The following KIRREL3 variants were observed in gnomAD, a reference collection of about 807,000 sequenced individuals.
The protein encoded by KIRREL3 is kin of IRRE-like protein 3.
A neutral mutation model predicts 89.7 loss-of-function variants in KIRREL3; 36 were observed. The observed-to-expected ratio is 0.40, with a 90% CI of 0.31 to 0.53. KIRREL3 has a LOEUF of 0.53. KIRREL3 is among the 20% of genes least tolerant of loss of function. KIRREL3 has a pLI of 0.49. For missense variants in KIRREL3, 864 were observed against 1,056.6 expected (o/e 0.82, Z 2.53); for synonymous variants, 445 against 441.4 (o/e 1.01, Z -0.10).
At chr11:126,984,716 C>G (rs934336581) in intron 1 of KIRREL3, among the ~76,000 whole-genome samples, 4 of 152,286 alleles carry the variant, frequency 2.6e-5, no homozygotes, top group African/African-American at 9.6e-5. Context: ...CCAAGCTCCC[C>G]GCACAAATTG....
rs1014098500 is a variant in KIRREL3, at chr11:126,441,673, G to A, written c.1253-1124C>T. Among the ~76,000 whole-genome samples the A allele has an allele frequency of 6.6e-6, 1 of 152,242 alleles. No individual in the cohort carries two copies. Among genetic ancestry groups the A allele is most frequent in the Non-Finnish European group, 1.5e-5 (1 of 68,050 alleles). On this transcript the variant is annotated intron_variant, in intron 10 of 16. Transcript: ENST00000525144. This position sits in a 1 kb window ranked among gnomAD's most constrained non-coding sequence, Gnocchi z 5.0. ...AACAAAAATTGCTGCAAACATAATT[G>A]CTGTTTATTAGCCACCTTAATTAAA...
At chr11:126,803,206 A>T (rs1951095349) in intron 1 of KIRREL3, among the ~76,000 whole-genome samples, 6 of 152,192 alleles carry the variant, frequency 3.9e-5, no homozygotes, top group Admixed American at 3.9e-4. Context: ...GGGACTTCAT[A>T]AGAAAGTGTG....
intron 1 of KIRREL3, among the ~76,000 whole-genome samples, chr11:126,878,612 C>G (rs147693984): frequency 3.0e-4 from 46 of 151,538 alleles, no homozygotes; most frequent in Non-Finnish European, 5.0e-4. Context: ...AAATGCAACA[C>G]AACCCTGAAT....
intron 1 of KIRREL3, among the ~76,000 whole-genome samples, chr11:126,717,550 G>T (rs1050930465): frequency 6.6e-6 from 1 of 152,168 alleles, no homozygotes. Flanking sequence ...GGCCAGGCTT[G>T]GGAATGGCTG....
intron 1 of KIRREL3, among the ~76,000 whole-genome samples, chr11:126,801,416 A>G (rs1951029086): frequency 6.6e-6 from 1 of 152,210 alleles, no homozygotes; most frequent in Non-Finnish European, 1.5e-5. Context: ...TAGCCCCTGA[A>G]TACAAATCTC....
Position 126,548,883 on chromosome 11 carries a change from T to C in KIRREL3, c.133+13952A>G, listed in dbSNP as rs2134522800. 2.6e-5 allele frequency among the ~76,000 whole-genome samples: 4 copies of C among 152,282 alleles called. No individual in the cohort carries two copies. The Middle Eastern group carries it at 0.01, about 388-fold the overall frequency. ...GCAACGAGATAGAATACCTGCTCCC[T>C]TCCACATCTGGAAGCATCCACAGCC... On this transcript the variant is annotated intron_variant, in intron 2 of 16. Transcript: ENST00000525144.
At chr11:126,621,370 C>T (rs1414425878) in intron 1 of KIRREL3, among the ~76,000 whole-genome samples, 2 of 152,234 alleles carry the variant, frequency 1.3e-5, no homozygotes, top group East Asian at 3.9e-4. Context: ...CAGGTTCCTC[C>T]AGGAATTCCC....
chr11:126,505,253 A>G (rs1957983402), intron 4 of KIRREL3, among the ~76,000 whole-genome samples: 1 of 152,242 alleles, frequency 6.6e-6, no homozygotes, highest in African/African-American at 2.4e-5. Flanking sequence ...TCTTAAATTT[A>G]CAAATAACTA....
Position 126,844,122 on chromosome 11 carries a change from A to G in KIRREL3, c.55+156333T>C, listed in dbSNP as rs1043547499. 6.6e-6 allele frequency among the ~76,000 whole-genome samples: 1 copy of G among 152,156 alleles called. No individual in the cohort carries two copies. The highest frequency in any genetic ancestry group is 2.4e-5 in the African/African-American group (1 of 41,436). On this transcript the variant is annotated intron_variant, in intron 1 of 16. Transcript: ENST00000525144. This position sits in a 1 kb window ranked among gnomAD's most constrained non-coding sequence, Gnocchi z 4.8. ...GGAGTCTGGATGGGGACCCCTTTCC[A>G]GTAACATCTTCCTGGTAACCCAGGT...
chr11:126,699,424 A>G (rs1268719527), intron 1 of KIRREL3, among the ~76,000 whole-genome samples: 1 of 152,254 alleles, frequency 6.6e-6, no homozygotes, highest in Non-Finnish European at 1.5e-5. Flanking sequence ...TGGCAGCAAC[A>G]TCTAATAGAA....
chr11:126,743,746 G>A (rs1051407224), intron 1 of KIRREL3, among the ~76,000 whole-genome samples: 9 of 152,170 alleles, frequency 5.9e-5, no homozygotes, highest in African/African-American at 2.2e-4. Flanking sequence ...TTCATAGGAT[G>A]GTTGATTATT....
rs1025751234 is a variant in KIRREL3, at chr11:126,991,931, C to T, written c.55+8524G>A. On this transcript the variant is annotated intron_variant, in intron 1 of 16. Transcript: ENST00000525144. This position sits in a 1 kb window ranked among gnomAD's most constrained non-coding sequence, Gnocchi z 5.8. ...CAGACTGAAAATGACTTTAGTCAAG[C>T]AAAGTAACCTCTCTGGGGGTATGAC... 3.9e-5 allele frequency among the ~76,000 whole-genome samples: 6 copies of T among 152,190 alleles called. No homozygotes were observed. Among genetic ancestry groups the T allele is most frequent in the Admixed American group, 1.3e-4 (2 of 15,280 alleles).
intron 1 of KIRREL3, among the ~76,000 whole-genome samples, chr11:126,857,486 A>C (rs1464465471): frequency 1.3e-5 from 2 of 152,150 alleles, no homozygotes; most frequent in African/African-American, 2.4e-5. Context: ...CTGGGACTTT[A>C]CTTAAAATCA....
chr11:126,433,828 G>A (rs1278074247), intron 13 of KIRREL3, among the ~76,000 whole-genome samples: 1 of 152,244 alleles, frequency 6.6e-6, no homozygotes, highest in Admixed American at 6.5e-5. Flanking sequence ...TGTCTCAGCG[G>A]AACTCAGAGC....
chr11:126,872,067 G>C lies in KIRREL3; in HGVS notation c.55+128388C>G, dbSNP rs1465013254. 6.6e-6 allele frequency among the ~76,000 whole-genome samples: 1 copy of C among 152,216 alleles called. No individual in the cohort carries two copies. Among genetic ancestry groups the C allele is most frequent in the Non-Finnish European group, 1.5e-5 (1 of 68,042 alleles). The stretch of plus-strand genomic sequence containing the variant: ...CCCAGCAGTGGTCACAACCTGGGTT[G>C]TCACCTTGCTGATTGGAGCAGGATC... On this transcript the variant is annotated intron_variant, in intron 1 of 16. Coordinates refer to ENST00000525144, the MANE Select transcript of KIRREL3 (RefSeq NM_032531.4). This position sits in a 1 kb window ranked among gnomAD's most constrained non-coding sequence, Gnocchi z 4.2.
chr11:126,683,368 G>A lies in KIRREL3; in HGVS notation c.56-120456C>T, dbSNP rs958156075. On this transcript the variant is annotated intron_variant, in intron 1 of 16. Coordinates refer to ENST00000525144, the MANE Select transcript of KIRREL3 (RefSeq NM_032531.4). The surrounding 1 kb of genome is among the most constrained non-coding windows in gnomAD (Gnocchi z 5.2). The stretch of plus-strand genomic sequence containing the variant: ...TGCAAGTAAGTGGGATCGACCGTGG[G>A]GTCTCTGGACAGCTCCCCAGAGGGC... Among the ~76,000 whole-genome samples the A allele has an allele frequency of 1.3e-5, 2 of 152,148 alleles. No individual in the cohort carries two copies. The highest frequency in any genetic ancestry group is 4.8e-5 in the African/African-American group (2 of 41,422).
At position 126,704,378 on chromosome 11, in the gene KIRREL3, C is replaced by T. The variant is rs949135360; in HGVS notation, c.56-141466G>A. On this transcript the variant is annotated intron_variant, in intron 1 of 16. Transcript: ENST00000525144. The surrounding 1 kb of genome is among the most constrained non-coding windows in gnomAD (Gnocchi z 4.2). The stretch of plus-strand genomic sequence containing the variant: ...CAGGAGAGAGGAGGTGGGGTGGGGC[C>T]GGGAAGAAGTGAGTACTAGCAGAAC... 1.3e-4 allele frequency among the ~76,000 whole-genome samples: 19 copies of T among 151,990 alleles called. No individual in the cohort carries two copies. Among genetic ancestry groups the T allele is most frequent in the East Asian group, 3.8e-4 (2 of 5,196 alleles).
chr11:126,823,809 A>G (rs905084501), intron 1 of KIRREL3, among the ~76,000 whole-genome samples: 1 of 152,230 alleles, frequency 6.6e-6, no homozygotes. Flanking sequence ...CTGCTGCTAC[A>G]GTGCCCCAGG....
rs1226712791 is a variant in KIRREL3 at position 126,454,658 on chromosome 11, C to G, written c.848+1691G>C. On this transcript the variant is annotated intron_variant, in intron 7 of 16. Coordinates refer to ENST00000525144, the MANE Select transcript of KIRREL3 (RefSeq NM_032531.4). This position sits in a 1 kb window ranked among gnomAD's most constrained non-coding sequence, Gnocchi z 5.8. ...GCAGGTGCAGCGTGGAAGCCTAGGG[C>G]CAGGGAGTCTCATTGGGCGCCTCTC... Among the ~76,000 whole-genome samples the G allele has an allele frequency of 6.6e-6, 1 of 152,048 alleles. No individual in the cohort carries two copies. Among genetic ancestry groups the G allele is most frequent in the Non-Finnish European group, 1.5e-5 (1 of 68,006 alleles).
Sources: gnomAD v4.1 joint callset for allele counts (sites outside exome capture counted in the v4.1 genomes callset) on GRCh38, gnomAD v4.1.1 for gene constraint, Gnocchi (gnomAD v3.1) non-coding constraint, MANE v1.5 for transcripts, NCBI Gene and HGNC (gene_info 2026-07-23, HGNC 2026-07-21) for gene names.